CPVL: variants seen among roughly 807,000 people sequenced by gnomAD.
CPVL encodes the protein carboxypeptidase vitellogenic like.
A neutral mutation model predicts 63.7 loss-of-function variants in CPVL; 51 were observed. That is an observed-to-expected ratio of 0.80 (90% CI 0.64 to 1.01). The LOEUF (loss-of-function observed/expected upper bound fraction) is 1.01. CPVL is among the 50% of genes least tolerant of loss of function. CPVL has a pLI of 0.00. For synonymous variants in CPVL, 195 were observed against 206.0 expected, an observed-to-expected ratio of 0.95 and a Z score of 0.46; for missense variants, 530 against 573.1, an observed-to-expected ratio of 0.92 and a Z score of 0.77.
At chr7:29,054,654 A>G (rs1167523298) in intron 11 of CPVL, among the ~76,000 whole-genome samples, 1 of 152,228 alleles carries the variant, frequency 6.6e-6, no homozygotes, top group East Asian at 1.9e-4. Context: ...GTGCATTCAT[A>G]ACCTTTATCA....
At chr7:29,008,493 G>A (rs1364597727) in intron 12 of CPVL, among the ~76,000 whole-genome samples, 1 of 152,136 alleles carries the variant, frequency 6.6e-6, no homozygotes, top group African/African-American at 2.4e-5. Flanking sequence ...GTTATTGAGA[G>A]TGTTCCTGAA....
At chr7:29,098,407 T>G (rs564951953) in intron 3 of CPVL, among the ~76,000 whole-genome samples, 1 of 152,318 alleles carries the variant, frequency 6.6e-6, no homozygotes, top group Non-Finnish European at 1.5e-5. Flanking sequence ...AGAATGGCCA[T>G]GAGCTGGGGC....
chr7:29,108,212 G>A (rs1421927692), intron 3 of CPVL, among the ~76,000 whole-genome samples: 1 of 152,192 alleles, frequency 6.6e-6, no homozygotes, highest in Non-Finnish European at 1.5e-5. Flanking sequence ...GGGGTCCTCC[G>A]TGAAGGGGCC....
At chr7:29,103,666 C>T (rs1221007231) in intron 3 of CPVL, among the ~76,000 whole-genome samples, 1 of 152,162 alleles carries the variant, frequency 6.6e-6, no homozygotes, top group African/African-American at 2.4e-5. Context: ...AGTAGACAGG[C>T]ATCTGCCAAT....
chr7:29,154,588 C>T (rs1041065941), intron 5 of CPVL, among the ~76,000 whole-genome samples: 5 of 152,162 alleles, frequency 3.3e-5, no homozygotes, highest in African/African-American at 1.2e-4. Context: ...AATCCCAGCA[C>T]TTTGGGAGGC....
chr7:29,068,752 TG>T (rs949093460), intron 9 of CPVL, among the ~76,000 whole-genome samples: 2 of 149,610 alleles, frequency 1.3e-5, no homozygotes, highest in African/African-American at 4.9e-5. Flanking sequence ...TGGAGTGCAG[TG>T]GCGCGATCTT....
intron 1 of CPVL, among the ~76,000 whole-genome samples, chr7:29,139,540 A>AG (rs1161941328): frequency 7.5e-6 from 1 of 134,178 alleles, no homozygotes; most frequent in Non-Finnish European, 1.6e-5. Context: ...TTGGGGGGGC[A>AG]GGGGGGCTAC....
chr7:29,172,934 C>A (rs1338629546), intron 5 of CPVL, among the ~76,000 whole-genome samples: 2 of 151,838 alleles, frequency 1.3e-5, no homozygotes, highest in Admixed American at 1.3e-4. Flanking sequence ...AGTTTGAGAC[C>A]AGCGTGGCCA....
At position 29,194,699 on chromosome 7, in the gene CPVL, C is replaced by G. The variant is rs1004618480; in HGVS notation, c.-448+378G>C. 4 of 401,662 alleles carry G rather than the reference C, an allele frequency of 1.0e-5. No individual in the cohort carries two copies. The Admixed American group carries it at 1.9e-4, about 19-fold the overall frequency. 24.9% of individuals were successfully genotyped at this position (401,662 alleles called of 1,614,324 possible). A position where few individuals can be genotyped will look rare whatever the true frequency, so the allele number is the denominator to read the frequency against. ...CTCTGCTCCCACCTACCCCCTGACA[C>G]CCATAGAAAAGCGTGCAAAGGCGCG... On this transcript the variant is annotated intron_variant, in intron 1 of 16. Transcript: ENST00000409850.
At chr7:29,161,510 C>A (rs1447746290) in intron 5 of CPVL, among the ~76,000 whole-genome samples, 1 of 152,132 alleles carries the variant, frequency 6.6e-6, no homozygotes, top group Non-Finnish European at 1.5e-5. Flanking sequence ...TTCACTTTAA[C>A]TTTTCATACC....
chr7:29,034,853 G>GGA (rs1193178597), intron 11 of CPVL, among the ~76,000 whole-genome samples: 1 of 123,974 alleles, frequency 8.1e-6, no homozygotes, highest in Admixed American at 8.2e-5. Context: ...TTTTATAATG[G>GGA]AAAAAAAAAA....
At chr7:29,022,773 C>T (rs147531540) in intron 12 of CPVL, among the ~76,000 whole-genome samples, 13 of 152,390 alleles carry the variant, frequency 8.5e-5, no homozygotes, top group African/African-American at 3.1e-4. Context: ...TCACCAGTGC[C>T]TGTGGGCATT....
upstream of CPVL, chr7:29,146,651 C>T (rs1473229943): frequency 1.9e-6 from 3 of 1,550,578 alleles, no homozygotes; most frequent in South Asian, 2.4e-5. Flanking sequence ...GAAACCTGGC[C>T]GCATCAAGTC....
chr7:29,114,009 A>G (rs56304895), intron 2 of CPVL, among the ~76,000 whole-genome samples: 1 of 152,212 alleles, frequency 6.6e-6, no homozygotes, highest in Non-Finnish European at 1.5e-5. Context: ...GACTCCTCAC[A>G]TGCCATCGAC....
Position 29,036,563 on chromosome 7 carries a change from C to T in CPVL, c.1138-5804G>A, listed in dbSNP as rs77935051. The stretch of plus-strand genomic sequence containing the variant: ...TGAACTCTATATATATTCAAGCTCT[C>T]GAAATAATAACACACCCTTGACTAC... On this transcript the variant is annotated intron_variant, in intron 11 of 12. Coordinates refer to ENST00000265394, the MANE Select transcript of CPVL (RefSeq NM_031311.5). Among the ~76,000 whole-genome samples, 811 of 152,252 alleles carry T rather than the reference C, an allele frequency of 5.3e-3. 12 individuals carry two copies. Among genetic ancestry groups the T allele is most frequent in the African/African-American group, 0.018 (728 of 41,536 alleles).
chr7:29,113,053 GC>G, intron 2 of CPVL: 1 of 433,304 alleles, frequency 2.3e-6, no homozygotes. Context: ...GGGGAGGGGT[GC>G]CCAAATATAT....
intron 5 of CPVL, among the ~76,000 whole-genome samples, chr7:29,161,383 A>G (rs1795157221): frequency 6.6e-6 from 1 of 152,194 alleles, no homozygotes; most frequent in Non-Finnish European, 1.5e-5. Context: ...GCCAGATAAG[A>G]TTTCAACAGT....
In CPVL at chr7:29,064,065, T is replaced by TA. The variant is rs1371667277; in HGVS notation, c.1132dup (p.Tyr378LeufsTer2). The TA allele has an allele frequency of 6.2e-7, 1 of 1,608,400 alleles. No homozygotes were observed. Among genetic ancestry groups the TA allele is most frequent in the Non-Finnish European group, 8.5e-7 (1 of 1,175,442 alleles). ...TAACTGAAGTAGCTCTCTTACCTTA[T>TA]AATTATTCATGATTTCAGTTAACCA... On this transcript the variant is annotated frameshift_variant, in exon 11 of 13. Transcript: ENST00000265394. LOFTEE classifies it high-confidence loss of function.
rs1435135803 is a variant in CPVL, at chr7:29,064,250, T to C, written c.964-16A>G. On this transcript the variant is annotated splice_polypyrimidine_tract_variant and intron_variant, in intron 10 of 12. Transcript: ENST00000265394. ...CCTCAGGTTCCTGGCAGAAGGGGCATTGGAAAGACATAGGGAACATGATTG... is the reference window on the plus strand; with the variant it reads ...CCTCAGGTTCCTGGCAGAAGGGGCACTGGAAAGACATAGGGAACATGATTG... The C allele has an allele frequency of 7.0e-6, 11 of 1,569,460 alleles. No homozygotes were observed. Among genetic ancestry groups the C allele is most frequent in the Middle Eastern group, 1.7e-4 (1 of 5,962 alleles).
Sources: gnomAD v4.1 joint callset for allele counts (sites outside exome capture counted in the v4.1 genomes callset) on GRCh38, gnomAD v4.1.1 for gene constraint, MANE v1.5 for transcripts, NCBI Gene and HGNC (gene_info 2026-07-23, HGNC 2026-07-21) for gene names.